The following NLGN1 variants were observed in gnomAD, a reference collection of about 807,000 sequenced individuals.
NLGN1 encodes neuroligin-1.
NLGN1 carries 12 observed loss-of-function variants against 65.5 expected under a neutral mutation model. The observed-to-expected ratio is 0.18, with a 90% CI of 0.12 to 0.30. The LOEUF (loss-of-function observed/expected upper bound fraction) is 0.30, where lower values mean the gene tolerates loss of function less well. Ranked by LOEUF, NLGN1 falls within the 10% of genes least tolerant of loss-of-function variation. NLGN1 has a pLI of 1.00. For synonymous variants in NLGN1, 350 were observed against 359.5 expected (o/e 0.97, Z 0.30); for missense variants, 750 against 1,007.1 (o/e 0.74, Z 3.46).
intron 4 of NLGN1, among the ~76,000 whole-genome samples, chr3:173,891,994 C>T (rs1050460522): frequency 6.6e-6 from 1 of 152,156 alleles, no homozygotes; most frequent in Non-Finnish European, 1.5e-5. Flanking sequence ...TTTCTAGAAG[C>T]AGGAGTCACA....
intron 4 of NLGN1, among the ~76,000 whole-genome samples, chr3:173,997,665 G>C (rs562253213): frequency 6.6e-6 from 1 of 152,164 alleles, no homozygotes; most frequent in African/African-American, 2.4e-5. Flanking sequence ...AGTAAACAAA[G>C]GCATAGTGAG....
chr3:174,144,582 T>C (rs1561148305), intron 4 of NLGN1, among the ~76,000 whole-genome samples: 1 of 152,168 alleles, frequency 6.6e-6, no homozygotes, highest in East Asian at 1.9e-4. Flanking sequence ...CATCCTTTGT[T>C]TCCTGACTTT....
At chr3:173,407,377 G>A (rs1711511061) in intron 1 of NLGN1, among the ~76,000 whole-genome samples, 1 of 152,036 alleles carries the variant, frequency 6.6e-6, no homozygotes, top group Non-Finnish European at 1.5e-5. Context: ...AAGTCCAGAG[G>A]AAAAAAATGA....
intron 4 of NLGN1, among the ~76,000 whole-genome samples, chr3:174,084,925 C>A (rs114601494): frequency 2.7e-4 from 41 of 152,028 alleles, no homozygotes; most frequent in African/African-American, 9.6e-4. Flanking sequence ...AACCATAATT[C>A]TTCTTTTTTG....
At chr3:174,065,714 A>AT (rs1372485667) in intron 4 of NLGN1, among the ~76,000 whole-genome samples, 1 of 150,252 alleles carries the variant, frequency 6.7e-6, no homozygotes, top group East Asian at 1.9e-4. Flanking sequence ...AGATTACATT[A>AT]TTAAAAAAAA....
intron 4 of NLGN1, among the ~76,000 whole-genome samples, chr3:174,057,082 G>C (rs1173286474): frequency 5.3e-5 from 8 of 151,838 alleles, no homozygotes; most frequent in Non-Finnish European, 1.0e-4. Flanking sequence ...ATGTTCCACA[G>C]CTTCTTATAG....
At chr3:174,249,507 G>C (rs1345843732) in intron 4 of NLGN1, among the ~76,000 whole-genome samples, 1 of 152,176 alleles carries the variant, frequency 6.6e-6, no homozygotes. Flanking sequence ...AAGTGAATAT[G>C]GTCCTTTCTT....
At chr3:173,650,490 C>T (rs980944359) in intron 3 of NLGN1, among the ~76,000 whole-genome samples, 7 of 152,092 alleles carry the variant, frequency 4.6e-5, no homozygotes, top group Non-Finnish European at 1.0e-4. Flanking sequence ...TACCTGACTC[C>T]CGCCTATGTA....
intron 4 of NLGN1, among the ~76,000 whole-genome samples, chr3:174,086,399 G>T: frequency 7.1e-6 from 1 of 139,888 alleles, no homozygotes; most frequent in East Asian, 2.1e-4. Flanking sequence ...TAATTTTTTT[G>T]CCTAATCTTA....
At chr3:173,474,311 A>G (rs188176188) in intron 2 of NLGN1, among the ~76,000 whole-genome samples, 16 of 152,342 alleles carry the variant, frequency 1.1e-4, no homozygotes, top group African/African-American at 3.6e-4. Context: ...GAACAAAGAA[A>G]GTAAACCGGA....
chr3:173,744,749 T>C (rs1775116686), intron 3 of NLGN1, among the ~76,000 whole-genome samples: 1 of 152,090 alleles, frequency 6.6e-6, no homozygotes, highest in Non-Finnish European at 1.5e-5. Context: ...TCTTTCCTTC[T>C]CCCTTTCCCT....
intron 2 of NLGN1, among the ~76,000 whole-genome samples, chr3:173,456,305 A>G (rs1438750521): frequency 6.6e-6 from 1 of 152,170 alleles, no homozygotes; most frequent in Admixed American, 6.6e-5. Flanking sequence ...GGGAGAAGGC[A>G]GCATTTACTA....
At chr3:173,942,315 A>G (rs1237471709) in intron 4 of NLGN1, among the ~76,000 whole-genome samples, 2 of 152,134 alleles carry the variant, frequency 1.3e-5, no homozygotes, top group Admixed American at 6.6e-5. Context: ...CATCTACTTA[A>G]TTAATTTATA....
chr3:173,971,172 G>T (rs938079378), intron 4 of NLGN1, among the ~76,000 whole-genome samples: 2 of 152,068 alleles, frequency 1.3e-5, no homozygotes, highest in Middle Eastern at 3.4e-3. Flanking sequence ...GAGAAAGAGG[G>T]AATCATAAAG....
intron 2 of NLGN1, among the ~76,000 whole-genome samples, chr3:173,500,168 T>A (rs983031401): frequency 6.6e-6 from 1 of 152,144 alleles, no homozygotes; most frequent in Non-Finnish European, 1.5e-5. Flanking sequence ...TGTCCATTCA[T>A]TATGATACTG....
intron 4 of NLGN1, among the ~76,000 whole-genome samples, chr3:173,810,334 G>T (rs1043869303): frequency 2.6e-5 from 4 of 152,286 alleles, no homozygotes; most frequent in Admixed American, 1.3e-4. Flanking sequence ...AAAAAGGTAA[G>T]CCAAGGTTTC....
chr3:173,479,129 G>A (rs1171158752), intron 2 of NLGN1, among the ~76,000 whole-genome samples: 1 of 152,092 alleles, frequency 6.6e-6, no homozygotes, highest in Non-Finnish European at 1.5e-5. Context: ...AAGGCTGTTT[G>A]CATGCAGTGG....
At chr3:173,470,890 G>T (rs868625033) in intron 2 of NLGN1, among the ~76,000 whole-genome samples, 28 of 152,178 alleles carry the variant, frequency 1.8e-4, no homozygotes, top group Admixed American at 2.6e-4. Context: ...TAACTCTACA[G>T]GTAATGCCCT....
chr3:173,978,172 A>G (rs1247265778), intron 4 of NLGN1, among the ~76,000 whole-genome samples: 1 of 152,182 alleles, frequency 6.6e-6, no homozygotes, highest in African/African-American at 2.4e-5. Context: ...GTCTAGCATC[A>G]GTCTGACTTC....
Sources: allele counts gnomAD v4.1 joint callset (sites outside exome capture counted in the v4.1 genomes callset), GRCh38; gene constraint gnomAD v4.1.1; transcripts MANE v1.5; gene names NCBI Gene and HGNC (gene_info 2026-07-23, HGNC 2026-07-21).